The following SIN3B variants were observed in gnomAD, a reference collection of about 807,000 sequenced individuals.
The protein encoded by SIN3B is paired amphipathic helix protein Sin3b.
A neutral mutation model predicts 120.2 loss-of-function variants in SIN3B; 19 were observed. The ratio of observed to expected loss-of-function variants is 0.16; its 90% CI spans 0.11 to 0.23. The LOEUF (loss-of-function observed/expected upper bound fraction) is 0.23. Ranked by LOEUF, SIN3B falls within the 10% of genes least tolerant of loss-of-function variation. The probability of loss-of-function intolerance (pLI) is 1.00; values close to 1 mark genes in which losing one functional copy is unlikely to be tolerated. For synonymous variants in SIN3B, 654 were observed against 653.2 expected (o/e 1.00, Z -0.02); for missense variants, 1,073 against 1,573.0 (o/e 0.68, Z 5.38).
At chr19:16,832,981 G>A (rs1243734470) in intron 3 of SIN3B, among the ~76,000 whole-genome samples, 2 of 152,228 alleles carry the variant, frequency 1.3e-5, no homozygotes, top group African/African-American at 4.8e-5. Flanking sequence ...AGTGCATTGT[G>A]GGGTGTTTAG....
rs918660079 is a variant in SIN3B at position 16,829,708 on chromosome 19, C to G, written c.121-83C>G. 55 of 1,398,534 alleles carry G rather than the reference C, an allele frequency of 3.9e-5. No homozygotes were observed. The African/African-American group carries it at 5.7e-4, about 14-fold the overall frequency. 86.6% of individuals were successfully genotyped at this position (1,398,534 alleles called of 1,614,324 possible). ...ACCTCGGCCCTCCGAAAGCCCAGCCCATCCCCTTCCCCTCAGGGACCCCGG... is the reference window on the plus strand; with the variant it reads ...ACCTCGGCCCTCCGAAAGCCCAGCCGATCCCCTTCCCCTCAGGGACCCCGG... On this transcript the variant is annotated intron_variant, in intron 1 of 18. Coordinates refer to ENST00000248054, the MANE Select transcript of SIN3B (RefSeq NM_001297595.2).
At chr19:16,837,033 C>T (rs934595853) in intron 3 of SIN3B, among the ~76,000 whole-genome samples, 4 of 151,828 alleles carry the variant, frequency 2.6e-5, no homozygotes, top group South Asian at 2.1e-4. Flanking sequence ...ATGCGGGTGG[C>T]GCATGGGAGA....
chr19:16,841,699 T>TG, intron 3 of SIN3B, 69 bp from the exon 4 acceptor site: 1 of 1,421,222 alleles, frequency 7.0e-7, no homozygotes. Context: ...AGACAGTGGC[T>TG]GGGCCTGGTG....
chr19:16,874,833 CTGATT>C (rs571190863), intron 14 of SIN3B, among the ~76,000 whole-genome samples: 5 of 138,172 alleles, frequency 3.6e-5, no homozygotes, highest in African/African-American at 1.4e-4. Context: ...TTGGTCTGGT[CTGATT>C]TGATTTGGTC....
In SIN3B at chr19:16,829,458, CCGG is replaced by C. The variant is rs994134467; in HGVS notation, c.43_45del (p.Gly15del). 41 of 1,213,602 alleles carry C rather than the reference CCGG, an allele frequency of 3.4e-5. No homozygotes were observed. The highest frequency in any genetic ancestry group is 9.2e-6 in the Non-Finnish European group (9 of 976,054). The allele number at this position is 1,213,602 out of a possible 1,614,324, so 75.2% of individuals were successfully genotyped here. A position where few individuals can be genotyped will look rare whatever the true frequency, so the allele number is the denominator to read the frequency against. ...GGCGGTGGCAGCGGTGGCAGCGGTG[CCGG>C]CGGCCCCGCGGGCCGGGGGCTGAGC... On this transcript the variant is annotated inframe_deletion, in exon 1 of 19. Transcript: ENST00000248054.
intron 14 of SIN3B, chr19:16,872,602 C>T (rs2051526424): frequency 6.6e-6 from 1 of 152,154 alleles, no homozygotes; most frequent in Admixed American, 6.5e-5. Context: ...CACCACCACG[C>T]CTGGCTAATT....
chr19:16,859,104 T>G (rs940019612), intron 8 of SIN3B, among the ~76,000 whole-genome samples: 1 of 152,078 alleles, frequency 6.6e-6, no homozygotes, highest in Non-Finnish European at 1.5e-5. Flanking sequence ...TGAGCCCTGA[T>G]CTCACCACTG....
intron 2 of SIN3B, among the ~76,000 whole-genome samples, chr19:16,830,723 A>G (rs1421520007): frequency 6.6e-6 from 1 of 152,042 alleles, no homozygotes; most frequent in East Asian, 1.9e-4. Context: ...CTCCCCTCCT[A>G]TTTTTCTTAC....
At position 16,869,775 on chromosome 19, in the gene SIN3B, A is replaced by C; in HGVS notation, c.2122A>C (p.Ser708Arg). 6.2e-7 allele frequency: 1 copy of C among 1,613,558 alleles called. No homozygotes were observed. Among genetic ancestry groups the C allele is most frequent in the Non-Finnish European group, 8.5e-7 (1 of 1,179,884 alleles). ...RKKPAPGPHS[S>R]PPEEKGAFGD... ...GAAGCCGGCGCCAGGACCCCACAGT[A>C]GCCCCCCAGAGGAGAAGGGGGCCTT... The change falls in exon 13 of 19, where the codon AGC becomes CGC. Residue 708 changes from serine to arginine, a missense_variant. Physicochemically the swap from Ser to Arg is moderately radical, Grantham distance 110. Coordinates refer to ENST00000248054, the MANE Select transcript of SIN3B (RefSeq NM_001297595.2).
At chr19:16,849,921 G>A (rs371165520) in intron 5 of SIN3B, among the ~76,000 whole-genome samples, 9 of 148,390 alleles carry the variant, frequency 6.1e-5, no homozygotes, top group Admixed American at 4.1e-4. Context: ...GCACCATTGC[G>A]CTCCAGCCTG....
In SIN3B at chr19:16,878,172, T is replaced by C. The variant is rs547494352; in HGVS notation, c.2955-11T>C. 3 of 1,551,442 alleles carry C rather than the reference T, an allele frequency of 1.9e-6. No individual in the cohort carries two copies. The highest frequency in any genetic ancestry group is 1.4e-5 in the African/African-American group (1 of 73,198). ...AGAGCCAGAGTCCATTCCACCTCCT[T>C]TCGCCCCCAGGAACCTCAAGAAGTT... On this transcript the variant is annotated splice_polypyrimidine_tract_variant and intron_variant, in intron 17 of 18. Transcript: ENST00000248054.
In SIN3B at chr19:16,876,206, T is replaced by C. The variant is rs2051604421; in HGVS notation, c.2744T>C (p.Met915Thr). The C allele has an allele frequency of 6.2e-7, 1 of 1,612,058 alleles. No homozygotes were observed. The highest frequency in any genetic ancestry group is 1.7e-5 in the Admixed American group (1 of 59,938). ...TSYQWKAERC[M>T]ADENCFKVMF... ...TACCAGTGGAAGGCTGAGCGCTGCA[T>C]GGCCGACGAGAACTGCTTCAAGGTG... is the stretch of plus-strand genomic sequence containing the variant. The change falls in exon 15 of 19, where the codon ATG becomes ACG. Residue 915 changes from methionine (M) to threonine (T), a missense_variant. Met to Thr is a moderately conservative substitution (Grantham distance 81). Transcript: ENST00000248054. The surrounding 1 kb of genome is among the most constrained non-coding windows in gnomAD (Gnocchi z 7.1).
chr19:16,840,970 T>C (rs1262989545), intron 3 of SIN3B, among the ~76,000 whole-genome samples: 1 of 152,132 alleles, frequency 6.6e-6, no homozygotes, highest in East Asian at 1.9e-4. Flanking sequence ...GCAGGGCTTA[T>C]CCAAGCAAAA....
rs1599608890 is a variant in SIN3B, at chr19:16,866,514, C to T, written c.1764C>T (p.Arg588=). 2 of 1,614,024 alleles carry T rather than the reference C, an allele frequency of 1.2e-6. No homozygotes were observed. The highest frequency in any genetic ancestry group is 8.5e-7 in the Non-Finnish European group (1 of 1,179,992). The change falls in exon 12 of 19, where the codon CGC becomes CGT. Residue 588 remains arginine (R), a synonymous_variant. Coordinates refer to ENST00000248054, the MANE Select transcript of SIN3B (RefSeq NM_001297595.2). ...AGCAGAACGACACCAAGGCCCTGCG[C>T]TCCAAGAGCTTGCTCAACGAGATCG... The part of the protein sequence containing the change: ...NFKQNDTKAL[R]SKSLLNEIES...
At chr19:16,848,508 T>C (rs1168376980) in intron 5 of SIN3B, among the ~76,000 whole-genome samples, 2 of 151,968 alleles carry the variant, frequency 1.3e-5, no homozygotes, top group African/African-American at 4.8e-5. Context: ...TGTTTGTTTT[T>C]ATTTTTTGAG....
At position 16,869,717 on chromosome 19, in the gene SIN3B, C is replaced by T. The variant is rs1260750578; in HGVS notation, c.2064C>T (p.Pro688=). ...CAGCTGATGAGGACCGGGACAGCCC[C>T]CAGGGGCAGACCACAGACCCCAGTG... ...EESADEDRDS[P]QGQTTDPSER... Residue 688 remains proline (P), a synonymous_variant, in exon 13 of 19, where the codon CCC becomes CCT. Transcript: ENST00000248054. 3.8e-5 allele frequency: 61 copies of T among 1,613,286 alleles called. No individual in the cohort carries two copies. The highest frequency in any genetic ancestry group is 5.1e-5 in the Non-Finnish European group (60 of 1,180,004).
Position 16,862,685 on chromosome 19 carries a change from G to T in SIN3B, c.1266+126G>T. 1 of 1,141,006 alleles carries T rather than the reference G, an allele frequency of 8.8e-7. No homozygotes were observed. The highest frequency in any genetic ancestry group is 1.3e-5 in the South Asian group (1 of 74,644). The allele number at this position is 1,141,006 out of a possible 1,614,324, so 70.7% of individuals were successfully genotyped here. On this transcript the variant is annotated intron_variant, in intron 9 of 18. Coordinates refer to ENST00000248054, the MANE Select transcript of SIN3B (RefSeq NM_001297595.2). This position sits in a 1 kb window ranked among gnomAD's most constrained non-coding sequence, Gnocchi z 4.7. ...TCAGCCCTCCTGAATGTTGGGTTATGGGTGGTGCTGGGATGTGGCCCGGCA... is the reference window on the plus strand; with the variant it reads ...TCAGCCCTCCTGAATGTTGGGTTATTGGTGGTGCTGGGATGTGGCCCGGCA...
Position 16,854,247 on chromosome 19 carries a change from C to T in SIN3B, c.1044C>T (p.Val348=). 1 of 1,611,530 alleles carries T rather than the reference C, an allele frequency of 6.2e-7. No individual in the cohort carries two copies. Among genetic ancestry groups the T allele is most frequent in the South Asian group, 1.1e-5 (1 of 90,854 alleles). ...LVSGSELLQL[V]SPFLGKFPEL... ...CTGGCTCTGAGCTCCTGCAGCTCGT[C>T]AGCCCATTTCTGGGGTGAGCAGCTG... The change falls in exon 8 of 19, where the codon GTC becomes GTT. Residue 348 remains valine, a synonymous_variant. Transcript: ENST00000248054.
rs2051652300 is a variant in SIN3B at position 16,878,890 on chromosome 19, G to T, written c.*163G>T. On this transcript the variant is annotated 3_prime_UTR_variant, in exon 19 of 19. Transcript: ENST00000248054. ...CAGGACGCCGCCCCCGTGGCTCCCG[G>T]TCTCCTGTGGGCCTGCTGTGTGCCA... 6 of 670,206 alleles carry T rather than the reference G, an allele frequency of 9.0e-6. No individual in the cohort carries two copies. The highest frequency in any genetic ancestry group is 1.8e-5 in the African/African-American group (1 of 55,020). The allele number at this position is 670,206 out of a possible 1,614,324, so 41.5% of individuals were successfully genotyped here.
Sources: allele counts gnomAD v4.1 joint callset (sites outside exome capture counted in the v4.1 genomes callset), GRCh38; gene constraint gnomAD v4.1.1; non-coding constraint Gnocchi (gnomAD v3.1); transcripts MANE v1.5; gene names NCBI Gene and HGNC (gene_info 2026-07-23, HGNC 2026-07-21).